The following IL23R variants were observed in gnomAD, a reference collection of about 807,000 sequenced individuals.
IL23R encodes the protein interleukin-23 receptor.
In IL23R, 34 loss-of-function variants were observed where a neutral mutation model predicts 56.9. The ratio of observed to expected loss-of-function variants is 0.60; its 90% CI spans 0.45 to 0.80. The LOEUF is 0.80. Ranked by LOEUF, IL23R falls within the 30% of genes least tolerant of loss-of-function variation. The pLI, the probability that IL23R is intolerant of heterozygous loss-of-function variation, is 0.00. For synonymous variants in IL23R, 230 were observed against 249.2 expected (o/e 0.92, Z 0.73); for missense variants, 635 against 730.0 (o/e 0.87, Z 1.50).
At chr1:67,197,962 A>G (rs1254619694) in intron 4 of IL23R, among the ~76,000 whole-genome samples, 2 of 151,940 alleles carry the variant, frequency 1.3e-5, no homozygotes, top group Non-Finnish European at 2.9e-5. Flanking sequence ...AGAAAAGAAA[A>G]GAAAAGAAAT....
chr1:67,215,552 A>G (rs983623778), intron 6 of IL23R, among the ~76,000 whole-genome samples: 2 of 152,224 alleles, frequency 1.3e-5, no homozygotes, highest in African/African-American at 4.8e-5. Flanking sequence ...AAAGCAAGCT[A>G]CATGGACAAA....
upstream of IL23R, among the ~76,000 whole-genome samples, chr1:67,162,030 AGATATGCCAT>A (rs1485758318): frequency 8.5e-5 from 13 of 152,326 alleles, no homozygotes; most frequent in African/African-American, 3.1e-4. Flanking sequence ...TTAAAGACAC[AGATATGCCAT>A]GATATGATTT....
intron 6 of IL23R, among the ~76,000 whole-genome samples, chr1:67,218,389 C>A (rs1650014471): frequency 7.1e-6 from 1 of 141,050 alleles, no homozygotes; most frequent in African/African-American, 2.7e-5. Context: ...TATTATTGGG[C>A]CTTGTAGAAT....
chr1:67,200,653 A>G (rs1285493843), intron 4 of IL23R, 84 bp from the exon 5 acceptor site: 9 of 1,393,470 alleles, frequency 6.5e-6, no homozygotes, highest in Non-Finnish European at 9.1e-6. Context: ...CCAAAATGCT[A>G]GGATTACAGG....
At chr1:67,201,568 A>AC (rs1648639364) in intron 5 of IL23R, among the ~76,000 whole-genome samples, 1 of 151,814 alleles carries the variant, frequency 6.6e-6, no homozygotes, top group African/African-American at 2.4e-5. Context: ...AAAAAAAACA[A>AC]AAAAACACTA....
intron 3 of IL23R, among the ~76,000 whole-genome samples, chr1:67,180,428 A>T (rs10013847): frequency 6.6e-6 from 1 of 151,898 alleles, no homozygotes; most frequent in African/African-American, 2.4e-5. Flanking sequence ...TTTATCAGAG[A>T]CTAGGATTGC....
chr1:67,237,103 T>C lies in IL23R; in HGVS notation c.1045+301T>C, dbSNP rs568844645. ...TGTCACCCAGGCTGGAGTGCAATGG[T>C]GCAATCTCGGCTCACTGCAACCTCC... On this transcript the variant is annotated intron_variant, in intron 8 of 10. Transcript: ENST00000347310. Among the ~76,000 whole-genome samples, 52 of 152,302 alleles carry C rather than the reference T, an allele frequency of 3.4e-4. 1 individual carries two copies. In the South Asian group the frequency reaches 7.5e-3, roughly 22 times the overall value.
At chr1:67,240,946 G>A (rs1651806034) in intron 9 of IL23R, among the ~76,000 whole-genome samples, 1 of 152,220 alleles carries the variant, frequency 6.6e-6, no homozygotes, top group South Asian at 2.1e-4. Flanking sequence ...ACACTTAGCA[G>A]TCTATGAGTG....
rs77004121 is a variant in IL23R, at chr1:67,189,765, C to T, written c.491+6806C>T. Among the ~76,000 whole-genome samples the T allele has an allele frequency of 3.1e-3, 470 of 151,770 alleles. 2 individuals are homozygous for T. Among genetic ancestry groups the T allele is most frequent in the African/African-American group, 0.011 (435 of 41,370 alleles). ...TTTGAGACCAACCTGGGCAACATGG[C>T]GAAAAATACAAAAAATATAAAAATT... On this transcript the variant is annotated intron_variant, in intron 4 of 10. Coordinates refer to ENST00000347310, the MANE Select transcript of IL23R (RefSeq NM_144701.3).
At chr1:67,170,644 T>G (rs1646931752) in intron 3 of IL23R, among the ~76,000 whole-genome samples, 1 of 152,198 alleles carries the variant, frequency 6.6e-6, no homozygotes, top group African/African-American at 2.4e-5. Context: ...ACTCAGATAT[T>G]CATTCTCTAT....
rs200364363 is a variant in IL23R, at chr1:67,228,075, T to C, written c.955+8345T>C. Among the ~76,000 whole-genome samples the C allele has an allele frequency of 1.7e-3, 113 of 67,090 alleles. 18 individuals are homozygous for C. The highest frequency in any genetic ancestry group is 2.1e-3 in the Non-Finnish European group (69 of 33,334). The allele number at this position is 67,090 out of a possible 152,430, so 44.0% of individuals were successfully genotyped here. A position where few individuals can be genotyped will look rare whatever the true frequency, so the allele number is the denominator to read the frequency against. ...TTTCTTTCTTTCTCTGTCTCTCTCT[T>C]TCTTTCTTTTCTTTCTTTCTTTCTT... is the stretch of plus-strand genomic sequence containing the variant. On this transcript the variant is annotated intron_variant, in intron 7 of 10. Transcript: ENST00000347310.
At chr1:67,179,164 A>G (rs976328721) in intron 3 of IL23R, among the ~76,000 whole-genome samples, 3 of 152,086 alleles carry the variant, frequency 2.0e-5, no homozygotes, top group African/African-American at 7.2e-5. Context: ...CTCTTTTTCT[A>G]TTGATTGGAA....
chr1:67,162,101 A>G (rs572959569), upstream of IL23R, among the ~76,000 whole-genome samples: 3 of 152,118 alleles, frequency 2.0e-5, no homozygotes, highest in Non-Finnish European at 4.4e-5. Context: ...CAAATCTGAA[A>G]GAAATCAAGT....
intron 1 of IL23R, among the ~76,000 whole-genome samples, chr1:67,157,344 A>T (rs1646778314): frequency 6.6e-6 from 1 of 152,186 alleles, no homozygotes; most frequent in Non-Finnish European, 1.5e-5. Flanking sequence ...TTAAAGTTTT[A>T]CCCATCTCAG....
chr1:67,141,689 T>C (rs1291842044), intron 1 of IL23R, among the ~76,000 whole-genome samples: 3 of 151,842 alleles, frequency 2.0e-5, no homozygotes, highest in Non-Finnish European at 2.9e-5. Context: ...GCCCTGGAGG[T>C]TGAGGCTGCA....
intron 2 of IL23R, 97 bp from the exon 3 acceptor site, chr1:67,169,245 A>C: frequency 1.1e-6 from 1 of 923,930 alleles, no homozygotes; most frequent in South Asian, 1.6e-5. Context: ...TCATTTAGTT[A>C]ATAGAAATGA....
intron 4 of IL23R, among the ~76,000 whole-genome samples, chr1:67,193,438 A>C (rs900444800): frequency 1.3e-5 from 2 of 152,214 alleles, no homozygotes; most frequent in Non-Finnish European, 2.9e-5. Flanking sequence ...AGTCAGTGTT[A>C]AATAAATATT....
chr1:67,206,864 C>G, intron 5 of IL23R, 46 bp from the exon 6 acceptor site: 1 of 1,495,074 alleles, frequency 6.7e-7, no homozygotes, highest in Non-Finnish European at 8.9e-7. Context: ...TCTCCCTAGG[C>G]AAGTTTTAAA....
chr1:67,198,751 C>A (rs1340663931), intron 4 of IL23R, among the ~76,000 whole-genome samples: 1 of 152,142 alleles, frequency 6.6e-6, no homozygotes, highest in Non-Finnish European at 1.5e-5. Flanking sequence ...TGGAGACTAG[C>A]CTGGGTATCA....
Sources: allele counts gnomAD v4.1 joint callset (sites outside exome capture counted in the v4.1 genomes callset), GRCh38; gene constraint gnomAD v4.1.1; transcripts MANE v1.5; gene names NCBI Gene and HGNC (gene_info 2026-07-23, HGNC 2026-07-21).